Variants in TYMS observed in about 807,000 individuals in gnomAD.
TYMS encodes the protein thymidylate synthase.
In TYMS, 21 loss-of-function variants were observed where a neutral mutation model predicts 39.3. That is an observed-to-expected ratio of 0.54 (90% CI 0.38 to 0.77). TYMS has a LOEUF of 0.77. Ranked by LOEUF, TYMS falls within the 30% of genes least tolerant of loss-of-function variation. The probability of loss-of-function intolerance (pLI) is 0.00; values close to 1 mark genes in which losing one functional copy is unlikely to be tolerated. For missense variants in TYMS, 273 were observed against 406.7 expected (o/e 0.67, Z 2.83); for synonymous variants, 171 against 162.2 (o/e 1.05, Z -0.41).
In TYMS at chr18:662,272, G is replaced by A. The variant is rs751072286; in HGVS notation, c.406G>A (p.Gly136Ser). The A allele has an allele frequency of 3.1e-6, 5 of 1,613,774 alleles. No homozygotes were observed. The change falls in exon 3 of 7, where the codon GGC becomes AGC. Residue 136 changes from glycine (G) to serine (S), a missense_variant. Physicochemically the swap from Gly to Ser is moderately conservative, Grantham distance 56. Around this residue, in one of 3 missense-constraint regions of TYMS, gnomAD observed 228 missense variants for 326.1 expected, o/e 0.70. Coordinates refer to ENST00000323274, the MANE Select transcript of TYMS (RefSeq NM_001071.4). ...AGAAGGGGACTTGGGCCCAGTTTAT[G>A]GCTTCCAGTGGAGGCATTTTGGGGC... ...REEGDLGPVY[G>S]FQWRHFGAEY... is the part of the protein sequence containing the mutation.
At chr18:667,408 ATGGT>A (rs2074868651) in intron 3 of TYMS, among the ~76,000 whole-genome samples, 1 of 4,584 alleles carries the variant, frequency 2.2e-4, no homozygotes, top group Non-Finnish European at 4.7e-4. Flanking sequence ...GGTGATGGTG[ATGGT>A]GATGGTGATG....
At chr18:667,334 A>T (rs201309317) in intron 3 of TYMS, among the ~76,000 whole-genome samples, 36 of 13,126 alleles carry the variant, frequency 2.7e-3, no homozygotes, top group African/African-American at 6.2e-3. Context: ...ATGGTGATGG[A>T]GATGGTGATG....
At chr18:667,535 T>A (rs372624945) in intron 3 of TYMS, among the ~76,000 whole-genome samples, 2 of 72,046 alleles carry the variant, frequency 2.8e-5, no homozygotes, top group East Asian at 7.2e-4. Context: ...ATGGAGATGG[T>A]GATGGTGATG....
intron 4 of TYMS, 25 bp downstream of exon 4, chr18:669,198 T>C (rs1363241268): frequency 6.3e-7 from 1 of 1,593,970 alleles, no homozygotes; most frequent in Non-Finnish European, 8.6e-7. Context: ...GTCGTCTTCA[T>C]TTATACTAAC....
intron 3 of TYMS, among the ~76,000 whole-genome samples, chr18:665,235 G>C (rs966670798): frequency 6.6e-6 from 1 of 150,668 alleles, no homozygotes; most frequent in Non-Finnish European, 1.5e-5. Flanking sequence ...CTTCTTCCTG[G>C]TTTAGTCTTG....
In TYMS at chr18:662,247, A is replaced by G. The variant is rs3786362; in HGVS notation, c.381A>G (p.Glu127=). 0.011 allele frequency: 17,718 copies of G among 1,613,976 alleles called. 973 individuals are homozygous for G. In the East Asian group the frequency reaches 0.13, roughly 12 times the overall value. The change falls in exon 3 of 7, where the codon GAA becomes GAG. Residue 127 remains glutamate, a synonymous_variant. Coordinates refer to ENST00000323274, the MANE Select transcript of TYMS (RefSeq NM_001071.4). ...FLDSLGFSTR[E]EGDLGPVYGF... Reference sequence around the variant, plus strand: ...ACAGCCTGGGATTCTCCACCAGAGAAGAAGGGGACTTGGGCCCAGTTTATG... The same window carrying G: ...ACAGCCTGGGATTCTCCACCAGAGAGGAAGGGGACTTGGGCCCAGTTTATG...
At position 657,878 on chromosome 18, in the gene TYMS, A is replaced by G. The variant is rs1376079761; in HGVS notation, c.136A>G (p.Arg46Gly). 1.3e-6 allele frequency: 2 copies of G among 1,510,972 alleles called. No homozygotes were observed. Among genetic ancestry groups the G allele is most frequent in the Non-Finnish European group, 1.8e-6 (2 of 1,136,002 alleles). The allele number at this position is 1,510,972 out of a possible 1,614,324, so 93.6% of individuals were successfully genotyped here. A position where few individuals can be genotyped will look rare whatever the true frequency, so the allele number is the denominator to read the frequency against. ...CCAACACATCCTCCGCTGCGGCGTC[A>G]GGAAGGACGACCGCACGGGCACCGG... ...QIQHILRCGV[R>G]KDDRTGTGTL... The change falls in exon 1 of 7, where the codon AGG becomes GGG. Residue 46 changes from arginine to glycine, a missense_variant. Arg to Gly is a moderately radical substitution (Grantham distance 125, BLOSUM62 -2). This residue lies in a region of TYMS where 228 missense variants were observed against 326.1 expected (regional missense o/e 0.70). Transcript: ENST00000323274.
intron 1 of TYMS, among the ~76,000 whole-genome samples, chr18:659,039 C>G (rs548518609): frequency 1.3e-5 from 2 of 152,296 alleles, no homozygotes; most frequent in East Asian, 3.9e-4. Flanking sequence ...TTTTAACCCA[C>G]CTTTCTGCTT....
Position 658,118 on chromosome 18 carries a change from C to T in TYMS, c.205+171C>T, listed in dbSNP as rs1014637784. ...TTACAGACGCCGAAACGGAGGGTCC[C>T]ATTAGGGACGTGACTGGCGCGGGCA... On this transcript the variant is annotated intron_variant, in intron 1 of 6. Coordinates refer to ENST00000323274, the MANE Select transcript of TYMS (RefSeq NM_001071.4). The surrounding 1 kb of genome is among the most constrained non-coding windows in gnomAD (Gnocchi z 4.5). The T allele has an allele frequency of 1.8e-5, 29 of 1,587,602 alleles. No individual in the cohort carries two copies. Among genetic ancestry groups the T allele is most frequent in the Non-Finnish European group, 2.5e-5 (29 of 1,170,548 alleles).
At chr18:657,991 A>AG in intron 1 of TYMS, 44 bp downstream of exon 1, 1 of 1,511,184 alleles carries the variant, frequency 6.6e-7, no homozygotes, top group African/African-American at 1.4e-5. Flanking sequence ...GGAAGGAGGG[A>AG]GGCGCGGCTG....
chr18:663,366 T>A (rs2074775873), intron 3 of TYMS, among the ~76,000 whole-genome samples: 1 of 102,416 alleles, frequency 9.8e-6, no homozygotes, highest in Non-Finnish European at 1.9e-5. Flanking sequence ...TGGGGTTGTT[T>A]GTTTTTTTCT....
chr18:666,960 TGGA>T (rs1567989624), intron 3 of TYMS, among the ~76,000 whole-genome samples: 997 of 22,544 alleles, frequency 0.044, 100 homozygotes, highest in Non-Finnish European at 0.052. Flanking sequence ...GTGATGGAGA[TGGA>T]GATGGTGATG....
intron 3 of TYMS, among the ~76,000 whole-genome samples, chr18:668,784 T>TG (rs2074913974): frequency 6.6e-6 from 1 of 151,986 alleles, no homozygotes; most frequent in Non-Finnish European, 1.5e-5. Context: ...GGGTTAGCTA[T>TG]GGGGGGAACA....
At position 667,992 on chromosome 18, in the gene TYMS, AT is replaced by A. The variant is rs60409589; in HGVS notation, c.455-1061del. Among the ~76,000 whole-genome samples, 362 of 105,340 alleles carry A rather than the reference AT, an allele frequency of 3.4e-3. 5 individuals carry two copies. Among genetic ancestry groups the A allele is most frequent in the Middle Eastern group, 0.017 (3 of 178 alleles). The allele number at this position is 105,340 out of a possible 152,430, so 69.1% of individuals were successfully genotyped here. A position where few individuals can be genotyped will look rare whatever the true frequency, so the allele number is the denominator to read the frequency against. On this transcript the variant is annotated intron_variant, in intron 3 of 6. Coordinates refer to ENST00000323274, the MANE Select transcript of TYMS (RefSeq NM_001071.4). Reference sequence around the variant, plus strand: ...AATTTTGTTTTACAGATTCACAGGAATTTTTTTTTTTTTTTTTTTAATGCAC... The same window carrying A: ...AATTTTGTTTTACAGATTCACAGGAATTTTTTTTTTTTTTTTTTAATGCAC...
intron 6 of TYMS, chr18:672,440 C>T (rs1039719123): frequency 6.5e-6 from 1 of 154,882 alleles, no homozygotes; most frequent in Non-Finnish European, 1.4e-5. Flanking sequence ...GGAATCCTGG[C>T]TTTCATCCCT....
At chr18:669,346 CA>C (rs2074934301) in intron 4 of TYMS, 173 bp downstream of exon 4, 4 of 490,266 alleles carry the variant, frequency 8.2e-6, no homozygotes, top group African/African-American at 2.0e-5. Flanking sequence ...ACCTTCAGAT[CA>C]TGAGGTTGGG....
chr18:658,509 C>T lies in TYMS; in HGVS notation c.205+562C>T, dbSNP rs2074719230. The T allele has an allele frequency of 2.9e-6, 1 of 342,576 alleles. No individual in the cohort carries two copies. The highest frequency in any genetic ancestry group is 4.7e-5 in the Admixed American group (1 of 21,486). The allele number at this position is 342,576 out of a possible 1,614,324, so 21.2% of individuals were successfully genotyped here. On this transcript the variant is annotated intron_variant, in intron 1 of 6. Coordinates refer to ENST00000323274, the MANE Select transcript of TYMS (RefSeq NM_001071.4). This position sits in a 1 kb window ranked among gnomAD's most constrained non-coding sequence, Gnocchi z 4.5. The stretch of plus-strand genomic sequence containing the variant: ...CCACGAACCAGCTTTCCTCTTAAAC[C>T]TTGAAAAGAGAAATTCGGGAGTTCG...
At chr18:666,785 G>A (rs2074823777) in intron 3 of TYMS, among the ~76,000 whole-genome samples, 1 of 152,264 alleles carries the variant, frequency 6.6e-6, no homozygotes, top group African/African-American at 2.4e-5. Context: ...GTTCTTAAAG[G>A]CAGAAAGTGG....
At chr18:669,290 TG>T in intron 4 of TYMS, 117 bp downstream of exon 4, 1 of 712,572 alleles carries the variant, frequency 1.4e-6, no homozygotes, top group Non-Finnish European at 2.2e-6. Context: ...CCCAGCCACA[TG>T]GTTGATTGTG....
Sources: gnomAD v4.1 joint callset for allele counts (sites outside exome capture counted in the v4.1 genomes callset) on GRCh38, gnomAD v4.1.1 for gene constraint, gnomAD v4.1.1 regional missense constraint, Gnocchi (gnomAD v3.1) non-coding constraint, MANE v1.5 for transcripts, NCBI Gene and HGNC (gene_info 2026-07-23, HGNC 2026-07-21) for gene names.